The following TBCD variants were observed in gnomAD, a reference collection of about 807,000 sequenced individuals.
The protein encoded by TBCD is tubulin-specific chaperone D.
TBCD carries 105 observed loss-of-function variants against 169.3 expected under a neutral mutation model. The ratio of observed to expected loss-of-function variants is 0.62; its 90% CI spans 0.53 to 0.73. TBCD has a LOEUF of 0.73. Among genes scored for constraint, TBCD ranks in the 30% least tolerant of loss-of-function variants. The pLI is 0.00. For synonymous variants in TBCD, 700 were observed against 643.9 expected, an observed-to-expected ratio of 1.09 and a Z score of -1.32; for missense variants, 1,444 against 1,600.1, an observed-to-expected ratio of 0.90 and a Z score of 1.66.
intron 37 of TBCD, 124 bp downstream of exon 37, chr17:82,939,600 T>C: frequency 1.3e-6 from 1 of 756,922 alleles, no homozygotes; most frequent in South Asian, 1.7e-5. Context: ...TTCCCAGGTC[T>C]CCACATCCTC....
chr17:82,867,841 A>T (rs969471226), intron 13 of TBCD, among the ~76,000 whole-genome samples: 1 of 152,214 alleles, frequency 6.6e-6, no homozygotes, highest in Non-Finnish European at 1.5e-5. Context: ...TTGCAGATTG[A>T]TGGCAGCCCT....
intron 30 of TBCD, among the ~76,000 whole-genome samples, chr17:82,928,419 G>A (rs967003406): frequency 6.6e-6 from 1 of 152,190 alleles, no homozygotes; most frequent in Admixed American, 6.5e-5. Context: ...TGCCCTTGCT[G>A]TGTGTCTCTG....
At chr17:82,817,139 T>G (rs2681122) in intron 13 of TBCD, among the ~76,000 whole-genome samples, 2 of 151,910 alleles carry the variant, frequency 1.3e-5, no homozygotes, top group African/African-American at 4.8e-5. Context: ...TTTCACTTTC[T>G]ATTGATTGAT....
chr17:82,930,578 G>T lies in TBCD; in HGVS notation c.3048G>T (p.Pro1016=). The T allele has an allele frequency of 1.2e-6, 2 of 1,613,846 alleles. No homozygotes were observed. Among genetic ancestry groups the T allele is most frequent in the South Asian group, 1.1e-5 (1 of 91,066 alleles). The change falls in exon 33 of 39, where the codon CCG becomes CCT. Residue 1016 remains proline (P), a synonymous_variant. Transcript: ENST00000355528. The surrounding 1 kb of genome is among the most constrained non-coding windows in gnomAD (Gnocchi z 5.2). ...FEYMKGIQSD[P]QALGSFSGTL... ...ACATGAAGGGCATTCAGAGCGACCCGCAGGCCCTGGGCAGCTTCAGCGGGA... is the reference window on the plus strand; with the variant it reads ...ACATGAAGGGCATTCAGAGCGACCCTCAGGCCCTGGGCAGCTTCAGCGGGA...
chr17:82,856,265 G>T (rs1245378254), intron 13 of TBCD, among the ~76,000 whole-genome samples: 1 of 151,808 alleles, frequency 6.6e-6, no homozygotes, highest in Non-Finnish European at 1.5e-5. Context: ...AATATAAAAA[G>T]ATTAAAAGGA....
intron 38 of TBCD, chr17:82,942,075 T>G: frequency 2.7e-6 from 1 of 368,670 alleles, no homozygotes; most frequent in Non-Finnish European, 4.9e-6. Flanking sequence ...GCAGTGGGGA[T>G]GGGCTGAGCA....
At chr17:82,851,933 A>G (rs190918976) in intron 13 of TBCD, among the ~76,000 whole-genome samples, 2 of 152,330 alleles carry the variant, frequency 1.3e-5, no homozygotes, top group African/African-American at 2.4e-5. Flanking sequence ...TCACTGCTTC[A>G]GCGCATCTGC....
Position 82,921,593 on chromosome 17 carries a change from G to A in TBCD, c.2178+16G>A. The stretch of plus-strand genomic sequence containing the variant: ...GCAGATGAAGGTACAGTGAGCATGG[G>A]CGTTCCCGGCCGGCGCTGTGGCGGT... On this transcript the variant is annotated intron_variant, in intron 25 of 38. Coordinates refer to ENST00000355528, the MANE Select transcript of TBCD (RefSeq NM_005993.5). 6.2e-7 allele frequency: 1 copy of A among 1,613,264 alleles called. No individual in the cohort carries two copies. Among genetic ancestry groups the A allele is most frequent in the South Asian group, 1.1e-5 (1 of 91,058 alleles).
At position 82,802,827 on chromosome 17, in the gene TBCD, C is replaced by T. The variant is rs145698459; in HGVS notation, c.950+1831C>T. Among the ~76,000 whole-genome samples, 251 of 152,336 alleles carry T rather than the reference C, an allele frequency of 1.6e-3. 4 individuals carry two copies. The highest frequency in any genetic ancestry group is 0.016 in the South Asian group (79 of 4,828). ...ACTGGAAGCAGGTGTGATGAAATAG[C>T]GGGGCGCCCCACGGCGCAGTCAGGT... On this transcript the variant is annotated intron_variant, in intron 9 of 38. Coordinates refer to ENST00000355528, the MANE Select transcript of TBCD (RefSeq NM_005993.5).
chr17:82,893,696 A>C, intron 17 of TBCD, 64 bp downstream of exon 17: 1 of 1,213,444 alleles, frequency 8.2e-7, no homozygotes, highest in Non-Finnish European at 1.2e-6. Context: ...GTCAGAAATC[A>C]GCTACCACCA....
chr17:82,779,204 G>C (rs1171859000), intron 6 of TBCD, among the ~76,000 whole-genome samples: 1 of 151,304 alleles, frequency 6.6e-6, no homozygotes, highest in Non-Finnish European at 1.5e-5. Flanking sequence ...AGTAGAGATG[G>C]GGTGCAAGAC....
Position 82,760,555 on chromosome 17 carries a change from A to G in TBCD, c.236-3410A>G, listed in dbSNP as rs537109308. On this transcript the variant is annotated intron_variant, in intron 2 of 38. Coordinates refer to ENST00000355528, the MANE Select transcript of TBCD (RefSeq NM_005993.5). ...TAGTTATTGCTGATGTCTAGTGAAG[A>G]TATGTTTTGTATACTGTTTTTGTAA... Among the ~76,000 whole-genome samples the G allele has an allele frequency of 3.3e-5, 5 of 152,288 alleles. No homozygotes were observed. The South Asian group carries it at 1.0e-3, about 32-fold the overall frequency.
At chr17:82,773,640 C>T (rs2144127923) in intron 6 of TBCD, among the ~76,000 whole-genome samples, 1 of 152,258 alleles carries the variant, frequency 6.6e-6, no homozygotes, top group South Asian at 2.1e-4. Flanking sequence ...CAATTCTTTG[C>T]ACCACGGACC....
In TBCD at chr17:82,852,446, T is replaced by A. The variant is rs182335275; in HGVS notation, c.1319-17778T>A. 1.2e-4 allele frequency among the ~76,000 whole-genome samples: 18 copies of A among 152,232 alleles called. No individual in the cohort carries two copies. In the East Asian group the frequency reaches 2.3e-3, roughly 20 times the overall value. On this transcript the variant is annotated intron_variant, in intron 13 of 38. Transcript: ENST00000355528. ...CCCTCACAGTTCTGGAGGCTGGGTG[T>A]CCAAGGTCGAGGTGCCAGCAGGCTC...
chr17:82,840,988 C>CA (rs1185150083), intron 13 of TBCD, among the ~76,000 whole-genome samples: 2 of 85,570 alleles, frequency 2.3e-5, no homozygotes, highest in African/African-American at 1.0e-4. Context: ...TTTTTTGAGA[C>CA]AGAGTTTCAC....
chr17:82,935,723 G>A (rs542585706), intron 34 of TBCD, among the ~76,000 whole-genome samples: 1 of 152,268 alleles, frequency 6.6e-6, no homozygotes, highest in East Asian at 1.9e-4. Context: ...TGCTATTGTC[G>A]GATATTTTGT....
chr17:82,838,961 T>G (rs746955803), intron 13 of TBCD: 1 of 985,298 alleles, frequency 1.0e-6, no homozygotes, highest in Non-Finnish European at 1.2e-6. Flanking sequence ...CTGTGCTTGG[T>G]CAGTAATTGT....
At chr17:82,816,497 G>A (rs1237023341) in intron 13 of TBCD, among the ~76,000 whole-genome samples, 1 of 151,990 alleles carries the variant, frequency 6.6e-6, no homozygotes, top group Non-Finnish European at 1.5e-5. Flanking sequence ...CCTGTAGTGT[G>A]TGAGGGTTCT....
At chr17:82,768,000 G>A (rs1006147874) in intron 4 of TBCD, among the ~76,000 whole-genome samples, 1 of 150,724 alleles carries the variant, frequency 6.6e-6, no homozygotes, top group East Asian at 1.9e-4. Context: ...CGCTCGTCTC[G>A]GCCTCCCAAA....
Sources: allele counts gnomAD v4.1 joint callset (sites outside exome capture counted in the v4.1 genomes callset), GRCh38; gene constraint gnomAD v4.1.1; non-coding constraint Gnocchi (gnomAD v3.1); transcripts MANE v1.5; gene names NCBI Gene and HGNC (gene_info 2026-07-23, HGNC 2026-07-21).